Variants in WIPI1 observed in about 807,000 individuals in gnomAD.
The protein encoded by WIPI1 is WD repeat domain, phosphoinositide interacting 1, also known as WD repeat domain phosphoinositide-interacting protein 1.
WIPI1 carries 45 observed loss-of-function variants against 55.3 expected under a neutral mutation model. That is an observed-to-expected ratio of 0.81 (90% confidence interval 0.64 to 1.04). The LOEUF is 1.04. Among genes scored for constraint, WIPI1 ranks in the 50% least tolerant of loss-of-function variants. The pLI, the probability that WIPI1 is intolerant of heterozygous loss-of-function variation, is 0.00. For synonymous variants in WIPI1, 195 were observed against 217.6 expected (o/e 0.90, Z 0.92); for missense variants, 445 against 559.0 (o/e 0.80, Z 2.06).
At chr17:68,442,734 T>G (rs997996244) in intron 4 of WIPI1, among the ~76,000 whole-genome samples, 1 of 152,164 alleles carries the variant, frequency 6.6e-6, no homozygotes, top group African/African-American at 2.4e-5. Flanking sequence ...TCATTCCTGA[T>G]CAGAAGAGCA....
At chr17:68,448,841 T>A (rs1172560843) in intron 3 of WIPI1, among the ~76,000 whole-genome samples, 2 of 152,214 alleles carry the variant, frequency 1.3e-5, no homozygotes, top group Non-Finnish European at 2.9e-5. Context: ...GAATTTCATC[T>A]AAAAGCCTTC....
chr17:68,456,426 C>T lies in WIPI1; in HGVS notation c.80+916G>A, dbSNP rs149519650. Among the ~76,000 whole-genome samples, 280 of 152,284 alleles carry T rather than the reference C, an allele frequency of 1.8e-3. 2 individuals are homozygous for T. Among genetic ancestry groups the T allele is most frequent in the African/African-American group, 6.2e-3 (256 of 41,546 alleles). ...TGGGAAACTGGGAATCGGTCATCCCCGCCTGATGCTCAGGGTGCACATTCC... is the reference window on the plus strand; with the variant it reads ...TGGGAAACTGGGAATCGGTCATCCCTGCCTGATGCTCAGGGTGCACATTCC... On this transcript the variant is annotated intron_variant, in intron 1 of 12. Coordinates refer to ENST00000262139, the MANE Select transcript of WIPI1 (RefSeq NM_017983.7).
chr17:68,455,192 T>C (rs1318706767), intron 1 of WIPI1, among the ~76,000 whole-genome samples: 1 of 151,870 alleles, frequency 6.6e-6, no homozygotes, highest in African/African-American at 2.4e-5. Context: ...CAAAACCCCG[T>C]CTCTACTAAA....
intron 1 of WIPI1, 63 bp from the exon 2 acceptor site, chr17:68,453,055 A>AATAG (rs1408155244): frequency 7.2e-7 from 1 of 1,397,690 alleles, no homozygotes; most frequent in African/African-American, 1.4e-5. Flanking sequence ...TCTGTCTGCA[A>AATAG]ATAGATGCCT....
At chr17:68,426,009 A>T in intron 12 of WIPI1, 66 bp downstream of exon 12, 2 of 1,276,068 alleles carry the variant, frequency 1.6e-6, no homozygotes, top group Non-Finnish European at 2.3e-6. Flanking sequence ...TGCCTCTCGT[A>T]TGAGGCGAAG....
chr17:68,455,036 G>A (rs2084611740), intron 1 of WIPI1, among the ~76,000 whole-genome samples: 1 of 152,090 alleles, frequency 6.6e-6, no homozygotes, highest in Non-Finnish European at 1.5e-5. Context: ...CAGAGCTTGG[G>A]ACAAATATTT....
intron 3 of WIPI1, among the ~76,000 whole-genome samples, chr17:68,449,629 C>A (rs1568650288): frequency 6.6e-6 from 1 of 152,208 alleles, no homozygotes; most frequent in Non-Finnish European, 1.5e-5. Flanking sequence ...CCACCCGTCT[C>A]TTGGTCCTGC....
At chr17:68,441,706 C>T (rs1448168286) in intron 4 of WIPI1, among the ~76,000 whole-genome samples, 1 of 152,162 alleles carries the variant, frequency 6.6e-6, no homozygotes, top group African/African-American at 2.4e-5. Context: ...CCCACCTTTG[C>T]CCACCCAGGC....
intron 8 of WIPI1, among the ~76,000 whole-genome samples, chr17:68,431,208 A>G (rs1238467674): frequency 6.6e-6 from 1 of 152,188 alleles, no homozygotes; most frequent in Non-Finnish European, 1.5e-5. Flanking sequence ...TGCTGCACAG[A>G]TGGTCCAGGC....
intron 4 of WIPI1, among the ~76,000 whole-genome samples, chr17:68,439,922 TTG>T (rs968628590): frequency 1.3e-5 from 2 of 152,118 alleles, no homozygotes; most frequent in African/African-American, 4.8e-5. Flanking sequence ...CTAAGCAGTC[TTG>T]GAGCAGAAGC....
intron 6 of WIPI1, 85 bp from the exon 7 acceptor site, chr17:68,434,711 G>A (rs1244125518): frequency 1.4e-6 from 2 of 1,380,774 alleles, no homozygotes; most frequent in African/African-American, 2.9e-5. Context: ...TGTTTTATTG[G>A]TTTTGAACAT....
chr17:68,455,361 CAAAAA>C (rs35004898), intron 1 of WIPI1, among the ~76,000 whole-genome samples: 4 of 102,672 alleles, frequency 3.9e-5, no homozygotes, highest in African/African-American at 7.2e-5. Flanking sequence ...AAGACTGTCT[CAAAAA>C]AAAAAAAAAA....
At chr17:68,446,186 AT>A (rs555021269) in intron 3 of WIPI1, among the ~76,000 whole-genome samples, 202 of 146,752 alleles carry the variant, frequency 1.4e-3, no homozygotes, top group South Asian at 2.0e-3. Flanking sequence ...ACATTTCTCA[AT>A]TTTTTTTTTT....
At chr17:68,457,279 G>A (rs1383528015) in intron 1 of WIPI1, 63 bp downstream of exon 1, 3 of 1,519,282 alleles carry the variant, frequency 2.0e-6, no homozygotes, top group Non-Finnish European at 2.7e-6. Flanking sequence ...CTCTCAGGAC[G>A]ACACCCCTGG....
chr17:68,441,827 C>T (rs964674941), intron 4 of WIPI1, among the ~76,000 whole-genome samples: 11 of 152,170 alleles, frequency 7.2e-5, no homozygotes, highest in African/African-American at 9.7e-5. Context: ...TAATTATAAA[C>T]GTGAGCATTT....
intron 2 of WIPI1, among the ~76,000 whole-genome samples, 198 bp from the exon 3 acceptor site, chr17:68,451,095 A>G (rs2084483864): frequency 6.6e-6 from 1 of 152,204 alleles, no homozygotes; most frequent in African/African-American, 2.4e-5. Flanking sequence ...ACCCTCTCCC[A>G]GGGAGCACTT....
chr17:68,433,779 T>G (rs1229152523), intron 7 of WIPI1, among the ~76,000 whole-genome samples: 100 of 70,574 alleles, frequency 1.4e-3, no homozygotes, highest in Non-Finnish European at 2.8e-3. Context: ...TTTTTTTTTT[T>G]TTTTTTTTTT....
chr17:68,428,586 A>T, intron 10 of WIPI1: 1 of 431,866 alleles, frequency 2.3e-6, no homozygotes. Flanking sequence ...TTAGGAGCAT[A>T]GGCTGAGGGG....
At chr17:68,452,759 C>T (rs1052930284) in intron 2 of WIPI1, 151 bp downstream of exon 2, 10 of 609,594 alleles carry the variant, frequency 1.6e-5, no homozygotes, top group South Asian at 9.1e-5. Flanking sequence ...GTAGTGGCAA[C>T]GATTTATATT....
Sources: gnomAD v4.1 joint callset for allele counts (sites outside exome capture counted in the v4.1 genomes callset) on GRCh38, gnomAD v4.1.1 for gene constraint, MANE v1.5 for transcripts, NCBI Gene and HGNC (gene_info 2026-07-23, HGNC 2026-07-21) for gene names.